The following RAB11FIP3 variants were observed in gnomAD, a reference collection of about 807,000 sequenced individuals.
RAB11FIP3 encodes the protein rab11 family-interacting protein 3.
Under a neutral mutation model 77.8 loss-of-function variants are expected in RAB11FIP3, and 17 were observed. That is an observed-to-expected ratio of 0.22 (90% CI 0.15 to 0.33). RAB11FIP3 has a LOEUF of 0.33. RAB11FIP3 is among the 10% of genes least tolerant of loss of function. RAB11FIP3 has a pLI of 1.00. For missense variants in RAB11FIP3, 1,005 were observed against 1,011.2 expected, an observed-to-expected ratio of 0.99 and a Z score of 0.08; for synonymous variants, 437 against 448.2, an observed-to-expected ratio of 0.98 and a Z score of 0.31.
At chr16:500,489 T>C (rs1451091968) in intron 6 of RAB11FIP3, among the ~76,000 whole-genome samples, 6 of 151,986 alleles carry the variant, frequency 3.9e-5, no homozygotes, top group African/African-American at 1.4e-4. Context: ...GAGACCAGCC[T>C]GGCCAACATA....
intron 9 of RAB11FIP3, among the ~76,000 whole-genome samples, chr16:516,740 G>T (rs938790785): frequency 5.9e-5 from 9 of 152,316 alleles, no homozygotes; most frequent in Admixed American, 3.9e-4. Context: ...AGCCAGGCGC[G>T]GTGGCGGCCG....
chr16:445,561 C>T (rs529110608), intron 1 of RAB11FIP3, among the ~76,000 whole-genome samples: 18 of 152,294 alleles, frequency 1.2e-4, no homozygotes, highest in Non-Finnish European at 2.5e-4. Flanking sequence ...CCCCCTTGCC[C>T]ACCCAAGGGA....
In RAB11FIP3 at chr16:456,759, C is replaced by CAACA. The variant is rs374242980; in HGVS notation, c.715-4638_715-4635dup. 6.1e-3 allele frequency among the ~76,000 whole-genome samples: 927 copies of CAACA among 152,200 alleles called. 10 individuals carry two copies. Among genetic ancestry groups the CAACA allele is most frequent in the African/African-American group, 0.021 (879 of 41,534 alleles). On this transcript the variant is annotated intron_variant, in intron 1 of 13. Coordinates refer to ENST00000262305, the MANE Select transcript of RAB11FIP3 (RefSeq NM_014700.4). ...GCGACGGAGTGAGACTCCATCTCAACAACAAACAAAAAAACCAACAAAAAA... is the reference window on the plus strand; with the variant it reads ...GCGACGGAGTGAGACTCCATCTCAACAACAAACAAACAAAAAAACCAACAAAAAA...
At chr16:441,152 G>C (rs2055219238) in intron 1 of RAB11FIP3, among the ~76,000 whole-genome samples, 2 of 152,260 alleles carry the variant, frequency 1.3e-5, no homozygotes, top group Middle Eastern at 3.4e-3. Context: ...ATGTTGGTCA[G>C]GCTGGTCTTG....
intron 9 of RAB11FIP3, among the ~76,000 whole-genome samples, chr16:511,057 C>T (rs1596297660): frequency 1.4e-5 from 2 of 139,304 alleles, no homozygotes; most frequent in African/African-American, 5.6e-5. Context: ...AGAAGTTCCC[C>T]GACGGCCCGC....
intron 1 of RAB11FIP3, among the ~76,000 whole-genome samples, chr16:435,162 G>A (rs1389219045): frequency 6.7e-6 from 1 of 150,032 alleles, no homozygotes; most frequent in Non-Finnish European, 1.5e-5. Context: ...TCGAGATCTT[G>A]CCACTGCACT....
Position 456,123 on chromosome 16 carries a change from G to A in RAB11FIP3, c.715-5281G>A, listed in dbSNP as rs576906470. ...AAGGCGGATGGATCACCTGAGGTCA[G>A]GAGTTCAAGACCAGCCTGGCCAACA... On this transcript the variant is annotated intron_variant, in intron 1 of 13. Coordinates refer to ENST00000262305, the MANE Select transcript of RAB11FIP3 (RefSeq NM_014700.4). 2.8e-3 allele frequency among the ~76,000 whole-genome samples: 428 copies of A among 152,094 alleles called. 3 individuals carry two copies. The highest frequency in any genetic ancestry group is 3.5e-3 in the Non-Finnish European group (235 of 67,982).
chr16:448,355 G>A (rs146118995), intron 1 of RAB11FIP3, among the ~76,000 whole-genome samples: 2,295 of 151,808 alleles, frequency 0.015, 60 homozygotes, highest in African/African-American at 0.051. Flanking sequence ...TGTAATCCTA[G>A]CACTTTGGGA....
At chr16:460,633 C>T (rs778280488) in intron 1 of RAB11FIP3, among the ~76,000 whole-genome samples, 3 of 152,122 alleles carry the variant, frequency 2.0e-5, no homozygotes, top group East Asian at 1.9e-4. Flanking sequence ...CTGAGTTATT[C>T]GCTACCAAGG....
intron 5 of RAB11FIP3, among the ~76,000 whole-genome samples, chr16:492,865 G>C (rs965676214): frequency 2.6e-5 from 4 of 152,140 alleles, no homozygotes; most frequent in Admixed American, 2.6e-4. Flanking sequence ...GGCTTTGTGG[G>C]GGCAGAGAAG....
At chr16:502,423 G>C (rs117693782) in intron 6 of RAB11FIP3, among the ~76,000 whole-genome samples, 3 of 152,350 alleles carry the variant, frequency 2.0e-5, no homozygotes, top group East Asian at 1.9e-4. Flanking sequence ...CAGAGGACAC[G>C]TGTGTCTGCT....
chr16:487,257 A>C (rs1472271550), intron 4 of RAB11FIP3, among the ~76,000 whole-genome samples: 2 of 151,488 alleles, frequency 1.3e-5, no homozygotes, highest in African/African-American at 4.9e-5. Context: ...CAGCCTCCCG[A>C]GTAGCTGGGA....
In RAB11FIP3 at chr16:520,944, C is replaced by A; in HGVS notation, c.*105C>A. 1.1e-6 allele frequency: 1 copy of A among 940,682 alleles called. No homozygotes were observed. The allele number at this position is 940,682 out of a possible 1,614,324, so 58.3% of individuals were successfully genotyped here. A position where few individuals can be genotyped will look rare whatever the true frequency, so the allele number is the denominator to read the frequency against. On this transcript the variant is annotated 3_prime_UTR_variant, in exon 14 of 14. Coordinates refer to ENST00000262305, the MANE Select transcript of RAB11FIP3 (RefSeq NM_014700.4). ...CCAGCAGGTCCCACAGCCGACAGTGCCCAGAGCATGCAGGGAACCCTCGTG... is the reference window on the plus strand; with the variant it reads ...CCAGCAGGTCCCACAGCCGACAGTGACCAGAGCATGCAGGGAACCCTCGTG...
rs981995477 is a variant in RAB11FIP3, at chr16:483,105, C to G, written c.1115+369C>G. On this transcript the variant is annotated intron_variant, in intron 4 of 13. Transcript: ENST00000262305. ...CCATGTTCTCTCCCCACCTGTCCCC[C>G]ACCCTCAGGATTTCTGTAGCCCCCG... Among the ~76,000 whole-genome samples the G allele has an allele frequency of 1.3e-5, 2 of 152,180 alleles. 1 individual carries two copies. Among genetic ancestry groups the G allele is most frequent in the South Asian group, 4.1e-4 (2 of 4,824 alleles).
chr16:489,550 C>A (rs2029982291), intron 5 of RAB11FIP3, among the ~76,000 whole-genome samples: 1 of 152,144 alleles, frequency 6.6e-6, no homozygotes, highest in Admixed American at 6.5e-5. Context: ...GCTAGGGGCT[C>A]CCACGTGGGA....
intron 2 of RAB11FIP3, among the ~76,000 whole-genome samples, chr16:468,302 AGGAGGTCCTGGGGCGTCAGGGAGGC>A (rs2055752648): frequency 6.0e-5 from 9 of 151,048 alleles, no homozygotes; most frequent in South Asian, 2.1e-4. Flanking sequence ...GTCAGGGAGG[AGGAGGTCCTGGGGCGTCAGGGAGGC>A]GGTGCTGCCA....
intron 9 of RAB11FIP3, among the ~76,000 whole-genome samples, chr16:513,911 G>A (rs1174113127): frequency 1.3e-5 from 2 of 152,192 alleles, no homozygotes; most frequent in African/African-American, 4.8e-5. Flanking sequence ...CAGTTGAGTG[G>A]GCTCAAAATT....
At chr16:455,081 TC>T (rs2055479575) in intron 1 of RAB11FIP3, among the ~76,000 whole-genome samples, 1 of 149,158 alleles carries the variant, frequency 6.7e-6, no homozygotes, top group Non-Finnish European at 1.5e-5. Flanking sequence ...AGGCTTTCTT[TC>T]TTTTTTTTTT....
intron 1 of RAB11FIP3, among the ~76,000 whole-genome samples, chr16:441,570 C>T (rs995034131): frequency 1.6e-4 from 25 of 152,188 alleles, no homozygotes; most frequent in Admixed American, 4.6e-4. Flanking sequence ...GGTACTCTGT[C>T]GTTGCCTCTC....
Sources: gnomAD v4.1 joint callset for allele counts (sites outside exome capture counted in the v4.1 genomes callset) on GRCh38, gnomAD v4.1.1 for gene constraint, MANE v1.5 for transcripts, NCBI Gene and HGNC (gene_info 2026-07-23, HGNC 2026-07-21) for gene names.